KIF6: variants seen among roughly 807,000 people sequenced by gnomAD.
KIF6 encodes the protein kinesin family member 6.
In KIF6, 106 loss-of-function variants were observed where a neutral mutation model predicts 112.7. The ratio of observed to expected loss-of-function variants is 0.94; its 90% CI spans 0.80 to 1.11. The LOEUF is 1.11. KIF6 is among the 50% of genes least tolerant of loss of function. KIF6 has a pLI of 0.00. For missense variants in KIF6, 929 were observed against 964.0 expected, an observed-to-expected ratio of 0.96 and a Z score of 0.48; for synonymous variants, 339 against 339.9, an observed-to-expected ratio of 1.00 and a Z score of 0.03.
intron 13 of KIF6, among the ~76,000 whole-genome samples, chr6:39,496,601 GT>G (rs1310023689): frequency 2.0e-5 from 3 of 152,108 alleles, no homozygotes; most frequent in Non-Finnish European, 1.5e-5. Context: ...GCCTGAGATG[GT>G]CGTAGGGTAA....
rs1346937139 is a variant in KIF6 at position 39,538,767 on chromosome 6, C to T, written c.1645+1236G>A. On this transcript the variant is annotated intron_variant, in intron 13 of 22. Transcript: ENST00000287152. ...TTGCTGCTATAAAGACACATGCACA[C>T]ATATGTTTATTGTGGCACTATTCAC... is the stretch of plus-strand genomic sequence containing the variant. Among the ~76,000 whole-genome samples the T allele has an allele frequency of 4.7e-5, 7 of 148,752 alleles. No homozygotes were observed. The South Asian group carries it at 6.6e-4, about 14-fold the overall frequency.
chr6:39,448,581 C>T (rs1772486620), intron 13 of KIF6, among the ~76,000 whole-genome samples: 1 of 152,166 alleles, frequency 6.6e-6, no homozygotes, highest in African/African-American at 2.4e-5. Flanking sequence ...CTGACAAGCT[C>T]CCTCCTGCCT....
intron 3 of KIF6, among the ~76,000 whole-genome samples, chr6:39,675,892 G>T (rs1787105870): frequency 6.6e-6 from 1 of 151,902 alleles, no homozygotes; most frequent in African/African-American, 2.4e-5. Context: ...AAGGCTTAAT[G>T]AACTAGAAGA....
intron 13 of KIF6, among the ~76,000 whole-genome samples, chr6:39,536,985 T>C (rs1778469422): frequency 6.6e-6 from 1 of 152,208 alleles, no homozygotes; most frequent in Non-Finnish European, 1.5e-5. Context: ...TCTCAATAGA[T>C]GCAGAAAAGG....
At chr6:39,567,788 T>C (rs2150610918) in intron 10 of KIF6, among the ~76,000 whole-genome samples, 1 of 152,238 alleles carries the variant, frequency 6.6e-6, no homozygotes, top group South Asian at 2.1e-4. Context: ...TTTGTATTTT[T>C]AGTACAGACG....
chr6:39,639,680 C>A lies in KIF6; in HGVS notation c.329G>T (p.Gly110Val), dbSNP rs143055453. The A allele has an allele frequency of 6.2e-7, 1 of 1,611,854 alleles. No individual in the cohort carries two copies. The change falls in exon 4 of 23, where the codon GGT (glycine) becomes GTT (valine). Residue 110 changes from glycine to valine, a missense_variant. Physicochemically the swap from Gly to Val is moderately radical, Grantham distance 109. Around this residue, in one of 2 missense-constraint regions of KIF6, gnomAD observed 688 missense variants for 662.7 expected, o/e 1.04. Transcript: ENST00000287152. ...GCCTCTGTCACTGTAACGCTCTGCA[C>A]CCCCTGTGATAGTGAATGTCTTCCC... ...GSGKTFTITG[G>V]AERYSDRGII... is the part of the protein sequence containing the mutation.
intron 9 of KIF6, among the ~76,000 whole-genome samples, chr6:39,578,364 G>A (rs573792845): frequency 7.6e-6 from 1 of 132,336 alleles, no homozygotes; most frequent in East Asian, 2.1e-4. Flanking sequence ...ACAGAGTCTC[G>A]TTCTGTCACC....
At chr6:39,661,096 G>T (rs1786116073) in intron 3 of KIF6, among the ~76,000 whole-genome samples, 1 of 152,072 alleles carries the variant, frequency 6.6e-6, no homozygotes, top group Admixed American at 6.5e-5. Context: ...GTTTCAAAAT[G>T]AACCTACTCA....
intron 3 of KIF6, among the ~76,000 whole-genome samples, chr6:39,706,785 G>GA (rs891832949): frequency 3.3e-5 from 5 of 151,722 alleles, no homozygotes; most frequent in African/African-American, 4.8e-5. Context: ...TGTAAACTTG[G>GA]AAAAAAAACA....
chr6:39,389,409 T>C (rs943985194), intron 15 of KIF6, among the ~76,000 whole-genome samples: 3 of 152,188 alleles, frequency 2.0e-5, no homozygotes, highest in East Asian at 3.9e-4. Flanking sequence ...TTTATGTTGC[T>C]ATCAAACAAT....
intron 13 of KIF6, among the ~76,000 whole-genome samples, chr6:39,528,784 A>C (rs1232359888): frequency 6.6e-6 from 1 of 152,270 alleles, no homozygotes; most frequent in East Asian, 1.9e-4. Flanking sequence ...ATATTGTTAA[A>C]ATGTCCATGT....
In KIF6 at chr6:39,392,409, G is replaced by T. The variant is rs1222495972; in HGVS notation, c.1811-6737C>A. ...TTCTCTGCTGGGTCTCAGCAGATTT[G>T]CATAATTAATTTGAGTGCTGCCCTC... On this transcript the variant is annotated intron_variant, in intron 15 of 22. Transcript: ENST00000287152. Among the ~76,000 whole-genome samples, 5 of 152,176 alleles carry T rather than the reference G, an allele frequency of 3.3e-5. No individual in the cohort carries two copies. In the East Asian group the frequency reaches 9.6e-4, roughly 29 times the overall value.
At chr6:39,414,229 G>A (rs1182200327) in intron 15 of KIF6, among the ~76,000 whole-genome samples, 1 of 151,992 alleles carries the variant, frequency 6.6e-6, no homozygotes, top group Admixed American at 6.6e-5. Context: ...CCTTATTTGT[G>A]CTGGTTTTGG....
At chr6:39,344,884 C>T (rs1040078638) in intron 21 of KIF6, among the ~76,000 whole-genome samples, 1 of 152,224 alleles carries the variant, frequency 6.6e-6, no homozygotes, top group African/African-American at 2.4e-5. Context: ...TCCCAGACTC[C>T]TTTGCTGCGA....
chr6:39,624,403 C>G (rs138978467), intron 5 of KIF6, among the ~76,000 whole-genome samples: 13 of 152,196 alleles, frequency 8.5e-5, no homozygotes, highest in Middle Eastern at 3.4e-3. Flanking sequence ...TTTCTAAACC[C>G]TGTACATTTT....
At chr6:39,341,574 T>C (rs554878402) in intron 22 of KIF6, among the ~76,000 whole-genome samples, 1 of 152,268 alleles carries the variant, frequency 6.6e-6, no homozygotes, top group East Asian at 1.9e-4. Context: ...TTTCTTTTTC[T>C]AGCTTAGACT....
chr6:39,336,416 T>C lies in KIF6; in HGVS notation c.*116A>G. The C allele has an allele frequency of 2.1e-6, 2 of 962,404 alleles. No individual in the cohort carries two copies. Among genetic ancestry groups the C allele is most frequent in the Admixed American group, 1.8e-5 (1 of 56,260 alleles). 59.6% of individuals were successfully genotyped at this position (962,404 alleles called of 1,614,324 possible). ...TCCCCTCCATGGGAATCAAAGTCAC[T>C]AGTTGCTCCCAGCAGCCCATAGTTC... On this transcript the variant is annotated 3_prime_UTR_variant, in exon 23 of 23. Transcript: ENST00000287152.
chr6:39,521,488 A>C (rs1777398761), intron 13 of KIF6, among the ~76,000 whole-genome samples: 1 of 152,186 alleles, frequency 6.6e-6, no homozygotes, highest in African/African-American at 2.4e-5. Context: ...ACGGCCTCCA[A>C]GTCAGTGCCC....
At chr6:39,356,040 G>A (rs1038718662) in intron 19 of KIF6, among the ~76,000 whole-genome samples, 7 of 151,804 alleles carry the variant, frequency 4.6e-5, no homozygotes, top group Admixed American at 2.6e-4. Context: ...TTTACATCTC[G>A]GTGGTGTGTC....
Sources: gnomAD v4.1 joint callset for allele counts (sites outside exome capture counted in the v4.1 genomes callset) on GRCh38, gnomAD v4.1.1 for gene constraint, gnomAD v4.1.1 regional missense constraint, MANE v1.5 for transcripts, NCBI Gene and HGNC (gene_info 2026-07-23, HGNC 2026-07-21) for gene names.